The following SHANK2 variants were observed in gnomAD, a reference collection of about 807,000 sequenced individuals.
SHANK2 encodes the protein SH3 and multiple ankyrin repeat domains protein 2.
Under a neutral mutation model 133.7 loss-of-function variants are expected in SHANK2, and 43 were observed. The observed-to-expected ratio is 0.32, with a 90% confidence interval of 0.25 to 0.41. SHANK2 has a LOEUF of 0.41. Among genes scored for constraint, SHANK2 ranks in the 10% least tolerant of loss-of-function variants. SHANK2 has a pLI of 1.00. For missense variants in SHANK2, 1,994 were observed against 2,235.8 expected, an observed-to-expected ratio of 0.89 and a Z score of 2.18; for synonymous variants, 1,017 against 952.8, an observed-to-expected ratio of 1.07 and a Z score of -1.24.
intron 17 of SHANK2, among the ~76,000 whole-genome samples, chr11:70,574,866 C>G (rs183080721): frequency 6.6e-6 from 1 of 152,202 alleles, no homozygotes; most frequent in African/African-American, 2.4e-5. Context: ...TGACCCCAAA[C>G]CTCGCTGCCC....
At chr11:71,066,355 G>C (rs893743051) in intron 9 of SHANK2, among the ~76,000 whole-genome samples, 2,315 of 132,886 alleles carry the variant, frequency 0.017, 28 homozygotes, top group Non-Finnish European at 0.029. Context: ...GGGAAGTTGG[G>C]GGGGTGCAGA....
intron 6 of SHANK2, among the ~76,000 whole-genome samples, chr11:71,096,090 G>A (rs529721746): frequency 4.0e-5 from 6 of 151,410 alleles, no homozygotes; most frequent in African/African-American, 7.3e-5. Flanking sequence ...GATGCCGTGC[G>A]TAGACATGCC....
intron 17 of SHANK2, among the ~76,000 whole-genome samples, chr11:70,561,065 C>T (rs914365894): frequency 6.6e-6 from 1 of 152,252 alleles, no homozygotes; most frequent in Non-Finnish European, 1.5e-5. Context: ...GGCAATTCAA[C>T]AGAGTAGGAA....
At chr11:71,239,029 C>T (rs1482287471) in intron 1 of SHANK2, among the ~76,000 whole-genome samples, 3 of 152,222 alleles carry the variant, frequency 2.0e-5, no homozygotes, top group East Asian at 1.9e-4. Context: ...ACCCAACTCA[C>T]GGTTTCACAA....
At chr11:70,701,573 A>G (rs1945521632) in intron 14 of SHANK2, among the ~76,000 whole-genome samples, 2 of 149,494 alleles carry the variant, frequency 1.3e-5, no homozygotes, top group African/African-American at 2.5e-5. Flanking sequence ...GCTAATTTTT[A>G]TATTTTTTTT....
At chr11:70,871,287 A>C (rs887919186) in intron 11 of SHANK2, among the ~76,000 whole-genome samples, 31 of 152,316 alleles carry the variant, frequency 2.0e-4, no homozygotes, top group African/African-American at 7.5e-4. Flanking sequence ...CAGGCTCTGC[A>C]GGAGATGAGT....
intron 1 of SHANK2, among the ~76,000 whole-genome samples, chr11:71,231,203 A>G (rs1400345023): frequency 1.3e-5 from 2 of 152,166 alleles, no homozygotes; most frequent in Non-Finnish European, 2.9e-5. Flanking sequence ...GTCTAGAATA[A>G]AGAACTCTCA....
At chr11:71,212,134 G>C (rs1555118964) in intron 2 of SHANK2, among the ~76,000 whole-genome samples, 1 of 152,204 alleles carries the variant, frequency 6.6e-6, no homozygotes, top group East Asian at 1.9e-4. Context: ...AAAGAATTCT[G>C]TTATTCCATC....
chr11:71,132,002 A>C (rs537902911), intron 3 of SHANK2, among the ~76,000 whole-genome samples: 114 of 152,210 alleles, frequency 7.5e-4, no homozygotes, highest in Non-Finnish European at 1.2e-3. Flanking sequence ...GTCCAACTCG[A>C]TCCTGGCAGC....
intron 17 of SHANK2, among the ~76,000 whole-genome samples, chr11:70,592,546 C>T (rs2060338989): frequency 6.6e-6 from 1 of 151,848 alleles, no homozygotes; most frequent in South Asian, 2.1e-4. Context: ...CGTGCGGCAT[C>T]TCGGTGGCCC....
intron 14 of SHANK2, among the ~76,000 whole-genome samples, chr11:70,726,169 TACC>T (rs1946177928): frequency 6.6e-6 from 1 of 152,202 alleles, no homozygotes; most frequent in Non-Finnish European, 1.5e-5. Context: ...AGTGAAATCT[TACC>T]CGGAACCTAA....
At chr11:70,482,019 C>T (rs1481396592) in intron 25 of SHANK2, among the ~76,000 whole-genome samples, 2 of 152,224 alleles carry the variant, frequency 1.3e-5, no homozygotes, top group South Asian at 4.1e-4. Context: ...CAGTGTGTCC[C>T]GTGGCCGTGG....
chr11:70,809,799 C>A (rs1948240351), intron 12 of SHANK2, among the ~76,000 whole-genome samples: 1 of 152,188 alleles, frequency 6.6e-6, no homozygotes, highest in South Asian at 2.1e-4. Flanking sequence ...TGGATGCTTA[C>A]CTGGGCTCTG....
At chr11:70,639,653 C>A (rs1591688677) in intron 17 of SHANK2, among the ~76,000 whole-genome samples, 2 of 152,164 alleles carry the variant, frequency 1.3e-5, no homozygotes, top group East Asian at 3.9e-4. Context: ...ATTTTCCCAG[C>A]AACACATTAA....
chr11:70,934,805 T>A (rs1555083189), intron 10 of SHANK2, among the ~76,000 whole-genome samples: 1 of 152,198 alleles, frequency 6.6e-6, no homozygotes, highest in African/African-American at 2.4e-5. Flanking sequence ...CAGAGACCAG[T>A]GTGGCCGTTC....
chr11:71,184,708 G>A (rs1555114245), intron 2 of SHANK2, among the ~76,000 whole-genome samples: 1 of 152,234 alleles, frequency 6.6e-6, no homozygotes, highest in Non-Finnish European at 1.5e-5. Context: ...ACTTGGAACA[G>A]TCAGATTAAA....
chr11:70,501,241 G>A lies in SHANK2; in HGVS notation c.2288-651C>T, dbSNP rs782169867. Among the ~76,000 whole-genome samples the A allele has an allele frequency of 3.5e-4, 53 of 152,254 alleles. 1 individual carries two copies. The highest frequency in any genetic ancestry group is 1.5e-3 in the Admixed American group (23 of 15,292). On this transcript the variant is annotated intron_variant, in intron 20 of 25. Coordinates refer to ENST00000601538, the MANE Select transcript of SHANK2 (RefSeq NM_012309.5). ...CTAGCCCCAGAACCTCGTGAGAAGC[G>A]GCCTGGCCGGCCTCAGCGCCCTGGG...
intron 17 of SHANK2, among the ~76,000 whole-genome samples, chr11:70,612,639 C>T (rs138980638): frequency 1.4e-3 from 207 of 152,342 alleles, no homozygotes; most frequent in Non-Finnish European, 2.3e-3. Flanking sequence ...AAGCCCCCAG[C>T]GGCCCCCGGC....
intron 10 of SHANK2, among the ~76,000 whole-genome samples, chr11:70,921,299 G>C (rs1303596878): frequency 1.3e-5 from 2 of 152,236 alleles, no homozygotes; most frequent in African/African-American, 4.8e-5. Context: ...CTGTTGAGAG[G>C]TGAGCAGATG....
Sources: gnomAD v4.1 joint callset for allele counts (sites outside exome capture counted in the v4.1 genomes callset) on GRCh38, gnomAD v4.1.1 for gene constraint, MANE v1.5 for transcripts, NCBI Gene and HGNC (gene_info 2026-07-23, HGNC 2026-07-21) for gene names.